CYP2J2: variants seen among roughly 807,000 people sequenced by gnomAD.
The protein encoded by CYP2J2 is cytochrome P450 2J2.
In CYP2J2, 41 loss-of-function variants were observed where a neutral mutation model predicts 48.8. That is an observed-to-expected ratio of 0.84 (90% CI 0.66 to 1.09). The LOEUF is 1.09. Among genes scored for constraint, CYP2J2 ranks in the 50% least tolerant of loss-of-function variants. The pLI is 0.00. For missense variants in CYP2J2, 644 were observed against 617.3 expected, an observed-to-expected ratio of 1.04 and a Z score of -0.46; for synonymous variants, 221 against 227.1, an observed-to-expected ratio of 0.97 and a Z score of 0.24.
chr1:59,927,941 T>C (rs1297251570), upstream of CYP2J2, among the ~76,000 whole-genome samples: 5 of 152,206 alleles, frequency 3.3e-5, no homozygotes, highest in African/African-American at 1.2e-4. Context: ...GCTTTTATCC[T>C]TCTAGTCCAC....
intron 7 of CYP2J2, among the ~76,000 whole-genome samples, chr1:59,901,636 A>G (rs765500903): frequency 1.3e-5 from 2 of 152,198 alleles, no homozygotes; most frequent in Non-Finnish European, 2.9e-5. Context: ...GCCCCTGTCC[A>G]TCCAGGTACA....
chr1:59,905,959 G>A (rs1463760053), intron 6 of CYP2J2, among the ~76,000 whole-genome samples: 5 of 152,168 alleles, frequency 3.3e-5, no homozygotes, highest in African/African-American at 2.4e-5. Context: ...GGCCAACGCA[G>A]GCGGATCACG....
the CYP2J2 span, among the ~76,000 whole-genome samples, chr1:59,962,467 C>T: frequency 6.6e-6 from 1 of 152,106 alleles, no homozygotes; most frequent in Non-Finnish European, 1.5e-5. Context: ...TACATTTTGT[C>T]TTGGGAAAAA....
At chr1:59,921,020 T>A (rs1300885541) in intron 1 of CYP2J2, among the ~76,000 whole-genome samples, 7 of 152,154 alleles carry the variant, frequency 4.6e-5, no homozygotes, top group Admixed American at 6.5e-5. Flanking sequence ...CTTCCAACAT[T>A]CTACAAAAGG....
chr1:59,958,073 A>G, the CYP2J2 span, among the ~76,000 whole-genome samples: 1 of 152,254 alleles, frequency 6.6e-6, no homozygotes, highest in East Asian at 1.9e-4. Flanking sequence ...ACTGCTAAAA[A>G]CTGCCTAAAA....
the CYP2J2 span, among the ~76,000 whole-genome samples, chr1:59,954,588 C>CGTG: frequency 4.8e-5 from 7 of 144,922 alleles, no homozygotes; most frequent in Admixed American, 1.4e-4. Context: ...CTTGGTGGGT[C>CGTG]GGGGGGGGAT....
chr1:59,960,308 A>G, the CYP2J2 span, among the ~76,000 whole-genome samples: 1 of 152,236 alleles, frequency 6.6e-6, no homozygotes, highest in Non-Finnish European at 1.5e-5. Flanking sequence ...ATGCTATAGA[A>G]TTACCCCATC....
intron 8 of CYP2J2, among the ~76,000 whole-genome samples, chr1:59,898,130 G>A (rs541953554): frequency 7.2e-5 from 11 of 152,274 alleles, no homozygotes; most frequent in Admixed American, 5.9e-4. Context: ...CCCTCTCCTT[G>A]GATCCACATC....
At chr1:59,935,026 A>ATATATG in the CYP2J2 span, among the ~76,000 whole-genome samples, 1 of 92,574 alleles carries the variant, frequency 1.1e-5, no homozygotes, top group African/African-American at 3.7e-5. Context: ...ATATATATAT[A>ATATATG]TATATATATA....
chr1:59,919,720 T>A (rs541422701), intron 1 of CYP2J2, among the ~76,000 whole-genome samples: 3 of 152,218 alleles, frequency 2.0e-5, no homozygotes, highest in Admixed American at 6.5e-5. Context: ...GCTATACACA[T>A]AAAGAGCTTT....
At chr1:59,968,324 T>TCC in the CYP2J2 span, among the ~76,000 whole-genome samples, 501 of 152,014 alleles carry the variant, frequency 3.3e-3, 4 homozygotes, top group African/African-American at 0.011. Context: ...TTTTCCTCTC[T>TCC]CTAGTCGCTC....
intron 1 of CYP2J2, 100 bp from the exon 2 acceptor site, chr1:59,916,200 C>A: frequency 1.0e-6 from 1 of 985,320 alleles, no homozygotes. Flanking sequence ...GAGAGGAGTG[C>A]GTGTGTCTGT....
the CYP2J2 span, among the ~76,000 whole-genome samples, chr1:59,966,620 TTGG>T: frequency 6.6e-6 from 1 of 152,168 alleles, no homozygotes; most frequent in African/African-American, 2.4e-5. Flanking sequence ...TGGGTGGTTG[TTGG>T]TGAGGACTAA....
chr1:59,930,797 T>A (rs1644599167), upstream of CYP2J2, among the ~76,000 whole-genome samples: 1 of 152,124 alleles, frequency 6.6e-6, no homozygotes, highest in African/African-American at 2.4e-5. Context: ...AGAGAATTTA[T>A]TGCTAGCAGA....
chr1:59,958,823 A>G, the CYP2J2 span, among the ~76,000 whole-genome samples: 3 of 152,150 alleles, frequency 2.0e-5, no homozygotes, highest in Non-Finnish European at 4.4e-5. Flanking sequence ...TAGACCATGC[A>G]ATTGTCTCTA....
chr1:59,958,512 G>T, the CYP2J2 span, among the ~76,000 whole-genome samples: 1 of 139,488 alleles, frequency 7.2e-6, no homozygotes, highest in South Asian at 2.1e-4. Context: ...GTGGGCAGGG[G>T]TCCTTCTCAT....
chr1:59,925,093 A>G (rs1337014238), intron 1 of CYP2J2, among the ~76,000 whole-genome samples: 2 of 152,168 alleles, frequency 1.3e-5, no homozygotes, highest in African/African-American at 2.4e-5. Context: ...TTCACTAAGA[A>G]GACATGATAA....
chr1:59,948,068 A>T, the CYP2J2 span, among the ~76,000 whole-genome samples: 4 of 152,268 alleles, frequency 2.6e-5, no homozygotes, highest in South Asian at 8.3e-4. Flanking sequence ...TCAGGATGAA[A>T]ATGGAGAATC....
chr1:59,944,839 T>A, the CYP2J2 span, among the ~76,000 whole-genome samples: 4 of 152,106 alleles, frequency 2.6e-5, no homozygotes, highest in Admixed American at 2.0e-4. Context: ...AATGCCACTT[T>A]AAAAAAAGCC....
Sources: gnomAD v4.1 joint callset for allele counts (sites outside exome capture counted in the v4.1 genomes callset) on GRCh38, gnomAD v4.1.1 for gene constraint, MANE v1.5 for transcripts, NCBI Gene and HGNC (gene_info 2026-07-23, HGNC 2026-07-21) for gene names.